The following DDX60 variants were observed in gnomAD, a reference collection of about 807,000 sequenced individuals.
The protein encoded by DDX60 is probable ATP-dependent RNA helicase DDX60.
Under a neutral mutation model 212.8 loss-of-function variants are expected in DDX60, and 165 were observed. The ratio of observed to expected loss-of-function variants is 0.78; its 90% confidence interval spans 0.68 to 0.88. The LOEUF is 0.88. Ranked by LOEUF, DDX60 falls within the 40% of genes least tolerant of loss-of-function variation. The pLI is 0.00. For synonymous variants in DDX60, 703 were observed against 685.3 expected (o/e 1.03, Z -0.40); for missense variants, 1,905 against 2,003.9 (o/e 0.95, Z 0.94).
At position 168,315,599 on chromosome 4, in the gene DDX60, C is replaced by T. The variant is rs528899875; in HGVS notation, c.-107+3023G>A. On this transcript the variant is annotated intron_variant, in intron 1 of 37. Transcript: ENST00000393743. Reference sequence around the variant, plus strand: ...TTTGCCCCCAACCCTCCGACAAGCCCCAGTGTGTGAGGTTCCCCTCCCTGT... The same window carrying T: ...TTTGCCCCCAACCCTCCGACAAGCCTCAGTGTGTGAGGTTCCCCTCCCTGT... 2.6e-5 allele frequency among the ~76,000 whole-genome samples: 4 copies of T among 152,246 alleles called. No individual in the cohort carries two copies. In the South Asian group the frequency reaches 8.3e-4, roughly 32 times the overall value.
chr4:168,225,576 T>C lies in DDX60; in HGVS notation c.4634A>G (p.Lys1545Arg). 2 of 1,611,544 alleles carry C rather than the reference T, an allele frequency of 1.2e-6. No individual in the cohort carries two copies. The highest frequency in any genetic ancestry group is 8.5e-7 in the Non-Finnish European group (1 of 1,178,780). The stretch of plus-strand genomic sequence containing the variant: ...ATATTCCTGATTCATATCAGCCAGT[T>C]TGGAAACAATTCGTAGGAAAGTGGT... Reference protein sequence around the residue: ...DFTTFLRIVSKLADMNQEYQL... With the variant: ...DFTTFLRIVSRLADMNQEYQL... The change falls in exon 34 of 38, where the codon AAA (lysine) becomes AGA (arginine). Residue 1545 changes from lysine (K) to arginine (R), a missense_variant. By Grantham distance (26) the Lys-to-Arg change is conservative. Transcript: ENST00000393743.
chr4:168,227,383 G>C (rs1733294447), intron 33 of DDX60, among the ~76,000 whole-genome samples: 1 of 151,858 alleles, frequency 6.6e-6, no homozygotes, highest in South Asian at 2.1e-4. Context: ...TTTGCTCTTT[G>C]CGATGTCTAA....
intron 3 of DDX60, among the ~76,000 whole-genome samples, chr4:168,310,094 G>C (rs1037604426): frequency 2.6e-5 from 4 of 152,192 alleles, no homozygotes; most frequent in African/African-American, 9.6e-5. Context: ...AAATCAGGAA[G>C]TACCTTGCCA....
intron 1 of DDX60, among the ~76,000 whole-genome samples, chr4:168,317,253 C>T (rs1737435340): frequency 6.6e-6 from 1 of 151,692 alleles, no homozygotes; most frequent in Non-Finnish European, 1.5e-5. Flanking sequence ...CAAAAACAAA[C>T]AATCATAAGA....
At chr4:168,219,785 G>A (rs188035131) in intron 37 of DDX60, among the ~76,000 whole-genome samples, 104 of 152,092 alleles carry the variant, frequency 6.8e-4, no homozygotes, top group Admixed American at 1.9e-3. Flanking sequence ...GCCTGTAACC[G>A]CAGCACTTTG....
At chr4:168,286,457 T>TAGATAGATAGATAGATAGATAC (rs759142577) in intron 10 of DDX60, among the ~76,000 whole-genome samples, 181 of 134,080 alleles carry the variant, frequency 1.3e-3, no homozygotes, top group East Asian at 0.011. Flanking sequence ...TAGATAGATA[T>TAGATAGATAGATAGATAGATAC]TACATATCAA....
At chr4:168,291,646 G>A in intron 8 of DDX60, 102 bp downstream of exon 8, 1 of 1,066,044 alleles carries the variant, frequency 9.4e-7, no homozygotes, top group Non-Finnish European at 1.3e-6. Flanking sequence ...TAGCCCCCAA[G>A]GGGCTAATAG....
rs537615686 is a variant in DDX60, at chr4:168,241,184, CTGTAAGTCCATTAAAACTCTTTCTTT to C, written c.4165-3415_4165-3390del. On this transcript the variant is annotated intron_variant, in intron 30 of 37. Transcript: ENST00000393743. ...ATGAGACCTCCTCAGCCATGTGGAA[CTGTAAGTCCATTAAAACTCTTTCTTT>C]TGTAAATTTCCCACTCTTGGGTATG... Among the ~76,000 whole-genome samples the C allele has an allele frequency of 5.9e-5, 9 of 152,354 alleles. No homozygotes were observed. The East Asian group carries it at 1.5e-3, about 26-fold the overall frequency.
intron 6 of DDX60, among the ~76,000 whole-genome samples, chr4:168,297,296 AC>A (rs1382779232): frequency 3.6e-5 from 4 of 112,158 alleles, no homozygotes; most frequent in African/African-American, 1.2e-4. Flanking sequence ...AGAGAGAGAG[AC>A]GAAAGAAAGA....
In DDX60 at chr4:168,311,240, T is replaced by C. The variant is rs764306416; in HGVS notation, c.4+16A>G. The C allele has an allele frequency of 1.9e-6, 3 of 1,611,560 alleles. No individual in the cohort carries two copies. Among genetic ancestry groups the C allele is most frequent in the Non-Finnish European group, 2.5e-6 (3 of 1,178,886 alleles). On this transcript the variant is annotated intron_variant, in intron 2 of 37. Coordinates refer to ENST00000393743, the MANE Select transcript of DDX60 (RefSeq NM_017631.6). The stretch of plus-strand genomic sequence containing the variant: ...CATTGTTTTATAATCTATAAATATT[T>C]TAAGTGGAAAATTACCCATTCTTGC...
intron 1 of DDX60, among the ~76,000 whole-genome samples, chr4:168,317,478 T>C (rs1277307998): frequency 6.6e-6 from 1 of 150,980 alleles, no homozygotes; most frequent in East Asian, 2.0e-4. Context: ...AGGAAAAAAA[T>C]GGGGGCAAGG....
At chr4:168,286,107 GGAAGGAAGGAAA>G (rs1735835694) in intron 10 of DDX60, among the ~76,000 whole-genome samples, 3 of 146,864 alleles carry the variant, frequency 2.0e-5, no homozygotes, top group South Asian at 2.2e-4. Flanking sequence ...GAGGGAGGGA[GGAAGGAAGGAAA>G]GAAGGAAGGA....
intron 8 of DDX60, among the ~76,000 whole-genome samples, chr4:168,290,118 T>C (rs1736023112): frequency 6.6e-6 from 1 of 152,164 alleles, no homozygotes; most frequent in Admixed American, 6.5e-5. Context: ...GCCCGCCTCT[T>C]CAGCTTCATC....
intron 28 of DDX60, among the ~76,000 whole-genome samples, chr4:168,249,051 C>T (rs1405625416): frequency 2.0e-5 from 3 of 152,210 alleles, no homozygotes; most frequent in Admixed American, 6.5e-5. Flanking sequence ...TGAGCCACTG[C>T]GCCAGGCCCA....
intron 26 of DDX60, 86 bp downstream of exon 26, chr4:168,255,625 T>C (rs1481408898): frequency 1.1e-5 from 13 of 1,189,826 alleles, no homozygotes; most frequent in Admixed American, 2.9e-5. Context: ...AACTTATTTA[T>C]AGAACATATT....
intron 27 of DDX60, among the ~76,000 whole-genome samples, chr4:168,251,581 G>C (rs1734222273): frequency 6.6e-6 from 1 of 152,146 alleles, no homozygotes. Flanking sequence ...TGTGTCCAGA[G>C]ATACATGGAC....
At position 168,283,543 on chromosome 4, in the gene DDX60, T is replaced by A. The variant is rs1185762615; in HGVS notation, c.1625A>T (p.Tyr542Phe). The change falls in exon 13 of 38, where the codon TAT (tyrosine) becomes TTT (phenylalanine). Residue 542 changes from tyrosine to phenylalanine, a missense_variant. Transcript: ENST00000393743. ...VQKYHVFQRFYGNSLETVSSK... is the reference protein window; with the variant it reads ...VQKYHVFQRFFGNSLETVSSK... ...AGAGACTGTTTCTAATGAATTCCCA[T>A]AAAACCGTTGGAAAACATGATACTT... is the stretch of plus-strand genomic sequence containing the variant. 1 of 1,613,426 alleles carries A rather than the reference T, an allele frequency of 6.2e-7. No homozygotes were observed. Among genetic ancestry groups the A allele is most frequent in the African/African-American group, 1.3e-5 (1 of 75,022 alleles).
At chr4:168,231,249 G>A (rs565793949) in intron 33 of DDX60, among the ~76,000 whole-genome samples, 1 of 151,982 alleles carries the variant, frequency 6.6e-6, no homozygotes, top group Non-Finnish European at 1.5e-5. Flanking sequence ...AAAACTATAT[G>A]GATTCACGAC....
Position 168,237,734 on chromosome 4 carries a change from A to T in DDX60, c.4226T>A (p.Leu1409Ter). The change falls in exon 31 of 38, where the codon TTA becomes TAA. Residue 1409 changes from leucine (L) to a stop codon, truncating the protein, a stop_gained. Transcript: ENST00000393743. LOFTEE classifies it high-confidence loss of function. Reference protein sequence around the residue: ...SFKQPRVMDMLKLYFLFSLQF... With the variant: ...SFKQPRVMDM ...CAAAGAAAACAGGAAGTAAAGTTTT[A>T]ACATGTCCATGACTCTGGGTTGCTT... The T allele has an allele frequency of 6.2e-7, 1 of 1,612,058 alleles. No homozygotes were observed. Among genetic ancestry groups the T allele is most frequent in the Non-Finnish European group, 8.5e-7 (1 of 1,178,982 alleles).
Sources: gnomAD v4.1 joint callset for allele counts (sites outside exome capture counted in the v4.1 genomes callset) on GRCh38, gnomAD v4.1.1 for gene constraint, MANE v1.5 for transcripts, NCBI Gene and HGNC (gene_info 2026-07-23, HGNC 2026-07-21) for gene names.